The following APOLD1 variants were observed in gnomAD, a reference collection of about 807,000 sequenced individuals.
APOLD1 encodes apolipoprotein L domain-containing protein 1.
In APOLD1, 22 loss-of-function variants were observed where a neutral mutation model predicts 15.3. The observed-to-expected ratio is 1.44, with a 90% confidence interval of 1.03 to 2.05. The LOEUF is 2.05. APOLD1 is among the 30% of genes most tolerant of loss of function. APOLD1 has a pLI of 0.00. For missense variants in APOLD1, 394 were observed against 353.5 expected, an observed-to-expected ratio of 1.11 and a Z score of -0.92; for synonymous variants, 190 against 167.4, an observed-to-expected ratio of 1.13 and a Z score of -1.04.
At chr12:12,754,228 GAAA>G (rs377332933) in intron 1 of APOLD1, among the ~76,000 whole-genome samples, 1 of 144,960 alleles carries the variant, frequency 6.9e-6, no homozygotes, top group African/African-American at 2.5e-5. Context: ...AAGAAAAAAA[GAAA>G]AAAACATCAG....
intron 1 of APOLD1, among the ~76,000 whole-genome samples, chr12:12,754,202 C>CAAAA (rs373664204): frequency 2.6e-5 from 2 of 78,298 alleles, no homozygotes; most frequent in Admixed American, 1.7e-4. Context: ...GACTCTGTCT[C>CAAAA]AAAAAAAAAA....
intron 1 of APOLD1, among the ~76,000 whole-genome samples, chr12:12,755,324 A>C (rs1946849445): frequency 6.6e-6 from 1 of 152,116 alleles, no homozygotes; most frequent in Non-Finnish European, 1.5e-5. Context: ...AGCAATTTTT[A>C]GCAAAAAAAA....
At position 12,744,630 on chromosome 12, in the gene APOLD1, T is replaced by C. The variant is rs188142201; in HGVS notation, c.96+18534T>C. ...TTTCTGATTTCTCAGCTCTCAACTC[T>C]AGGCAGGTGATTTATTTGTCCACTT... On this transcript the variant is annotated intron_variant, in intron 1 of 1. Coordinates refer to the APOLD1 transcript ENST00000326765. Among the ~76,000 whole-genome samples, 68 of 152,288 alleles carry C rather than the reference T, an allele frequency of 4.5e-4. 1 individual carries two copies. Among genetic ancestry groups the C allele is most frequent in the Admixed American group, 2.6e-3 (40 of 15,290 alleles).
chr12:12,772,801 A>G (rs1386800493), intron 1 of APOLD1, among the ~76,000 whole-genome samples: 2 of 152,266 alleles, frequency 1.3e-5, no homozygotes, highest in Non-Finnish European at 2.9e-5. Flanking sequence ...TCAGACCACA[A>G]TGAAATTAAA....
intron 1 of APOLD1, among the ~76,000 whole-genome samples, chr12:12,735,522 G>A (rs1315525259): frequency 1.3e-5 from 2 of 152,146 alleles, no homozygotes; most frequent in Non-Finnish European, 2.9e-5. Flanking sequence ...TGGCTGGGGG[G>A]CAGTGAGCCA....
intron 1 of APOLD1, among the ~76,000 whole-genome samples, chr12:12,746,319 A>G (rs1946764455): frequency 6.6e-6 from 1 of 152,184 alleles, no homozygotes; most frequent in South Asian, 2.1e-4. Flanking sequence ...AACATGGTGA[A>G]ACCCTGTCTC....
Position 12,787,049 on chromosome 12 carries a change from G to C in APOLD1, c.144G>C (p.Leu48=), listed in dbSNP as rs1054972082. 12 of 1,375,632 alleles carry C rather than the reference G, an allele frequency of 8.7e-6. No individual in the cohort carries two copies. Among genetic ancestry groups the C allele is most frequent in the Admixed American group, 3.9e-5 (1 of 25,478 alleles). The allele number at this position is 1,375,632 out of a possible 1,614,324, so 85.2% of individuals were successfully genotyped here. The change falls in exon 2 of 2, where the codon CTG becomes CTC. Residue 48 remains leucine, a synonymous_variant. Coordinates refer to ENST00000356591, the MANE Select transcript of APOLD1 (RefSeq NM_030817.3). The surrounding 1 kb of genome is among the most constrained non-coding windows in gnomAD (Gnocchi z 4.9). ...AGGTGGCCCGGCGCCTGGAGCGCCT[G>C]CGCAGGCGCTCCCTCGTAGCCAACG... ...LREVARRLER[L]RRRSLVANVA... is the part of the protein sequence containing the mutation.
chr12:12,746,638 T>A (rs1328297677), intron 1 of APOLD1, among the ~76,000 whole-genome samples: 1 of 152,186 alleles, frequency 6.6e-6, no homozygotes, highest in African/African-American at 2.4e-5. Flanking sequence ...AAACATGCTC[T>A]AATTTTTTTT....
chr12:12,784,008 A>G (rs1947106322), upstream of APOLD1, among the ~76,000 whole-genome samples: 1 of 152,126 alleles, frequency 6.6e-6, no homozygotes. Flanking sequence ...TGCCTCCATA[A>G]AGAGGCAAAT....
At chr12:12,762,938 G>A (rs548769244) in intron 1 of APOLD1, among the ~76,000 whole-genome samples, 156 of 152,160 alleles carry the variant, frequency 1.0e-3, no homozygotes, top group African/African-American at 3.7e-3. Context: ...TTGATCTCAG[G>A]AGTTGAAGAC....
At position 12,737,088 on chromosome 12, in the gene APOLD1, A is replaced by G. The variant is rs778392368; in HGVS notation, c.96+10992A>G. 5.9e-5 allele frequency among the ~76,000 whole-genome samples: 9 copies of G among 152,366 alleles called. No individual in the cohort carries two copies. In the East Asian group the frequency reaches 1.7e-3, roughly 29 times the overall value. Reference sequence around the variant, plus strand: ...GAATACTGAATCTTTTGCTTCAAGTAGCTCAGCATTTTTGTCTTTCATTTT... The same window carrying G: ...GAATACTGAATCTTTTGCTTCAAGTGGCTCAGCATTTTTGTCTTTCATTTT... On this transcript the variant is annotated intron_variant, in intron 1 of 1. Coordinates refer to the APOLD1 transcript ENST00000326765.
chr12:12,764,382 T>C (rs1208892419), intron 1 of APOLD1, among the ~76,000 whole-genome samples: 2 of 152,236 alleles, frequency 1.3e-5, no homozygotes, highest in African/African-American at 2.4e-5. Context: ...ATGATGTTTA[T>C]GTTATGTTTT....
At chr12:12,774,336 G>C (rs1430833388) in intron 1 of APOLD1, among the ~76,000 whole-genome samples, 1 of 151,842 alleles carries the variant, frequency 6.6e-6, no homozygotes, top group African/African-American at 2.4e-5. Context: ...CTTTGGGTCA[G>C]GAGTTTGAGA....
intron 1 of APOLD1, among the ~76,000 whole-genome samples, chr12:12,762,211 G>A (rs1201113014): frequency 6.6e-6 from 1 of 152,080 alleles, no homozygotes; most frequent in Non-Finnish European, 1.5e-5. Flanking sequence ...TAGCACAGTA[G>A]GAGCCCAGTG....
Position 12,754,202 on chromosome 12 carries a change from C to CA in APOLD1, c.96+28116dup, listed in dbSNP as rs373664204. On this transcript the variant is annotated intron_variant, in intron 1 of 1. Transcript: ENST00000326765. The stretch of plus-strand genomic sequence containing the variant: ...TGGGCGACAGAGTGAGACTCTGTCT[C>CA]AAAAAAAAAAGGAAAAAGAAAAAAA... Among the ~76,000 whole-genome samples, 280 of 78,318 alleles carry CA rather than the reference C, an allele frequency of 3.6e-3. 13 individuals carry two copies. Among genetic ancestry groups the CA allele is most frequent in the African/African-American group, 0.012 (267 of 22,320 alleles). The allele number at this position is 78,318 out of a possible 152,430, so 51.4% of individuals were successfully genotyped here. A position where few individuals can be genotyped will look rare whatever the true frequency, so the allele number is the denominator to read the frequency against.
chr12:12,731,525 A>G (rs1250202608), intron 1 of APOLD1, among the ~76,000 whole-genome samples: 4 of 152,212 alleles, frequency 2.6e-5, no homozygotes, highest in African/African-American at 9.6e-5. Context: ...AATGTTTGCA[A>G]CCCACATATC....
At chr12:12,765,138 AGCATCT>A (rs954499498) in intron 1 of APOLD1, among the ~76,000 whole-genome samples, 1 of 152,234 alleles carries the variant, frequency 6.6e-6, no homozygotes, top group Non-Finnish European at 1.5e-5. Context: ...GGCAAAGACC[AGCATCT>A]GCTTCTGATG....
At chr12:12,752,312 G>T (rs1270061205) in intron 1 of APOLD1, among the ~76,000 whole-genome samples, 1 of 152,160 alleles carries the variant, frequency 6.6e-6, no homozygotes, top group Admixed American at 6.5e-5. Flanking sequence ...TCTACTTCTT[G>T]CAGGGTAGGA....
intron 1 of APOLD1, among the ~76,000 whole-genome samples, chr12:12,772,353 A>T (rs1946995122): frequency 6.6e-6 from 1 of 152,238 alleles, no homozygotes; most frequent in African/African-American, 2.4e-5. Flanking sequence ...TGTCAGACAG[A>T]ACAGACTTCA....
Sources: allele counts gnomAD v4.1 joint callset (sites outside exome capture counted in the v4.1 genomes callset), GRCh38; gene constraint gnomAD v4.1.1; non-coding constraint Gnocchi (gnomAD v3.1); transcripts MANE v1.5; gene names NCBI Gene and HGNC (gene_info 2026-07-23, HGNC 2026-07-21).